Variants in EYA4 observed in about 807,000 individuals in gnomAD.
EYA4 encodes protein phosphatase EYA4.
A neutral mutation model predicts 87.9 loss-of-function variants in EYA4; 31 were observed. That is an observed-to-expected ratio of 0.35 (90% CI 0.27 to 0.48). The LOEUF is 0.48. Ranked by LOEUF, EYA4 falls within the 20% of genes least tolerant of loss-of-function variation. The pLI is 0.99. For missense variants in EYA4, 678 were observed against 761.4 expected (o/e 0.89, Z 1.29); for synonymous variants, 263 against 270.6 (o/e 0.97, Z 0.28).
intron 2 of EYA4, among the ~76,000 whole-genome samples, chr6:133,304,148 C>T (rs879619481): frequency 1.4e-4 from 21 of 152,112 alleles, no homozygotes; most frequent in Non-Finnish European, 2.5e-4. Context: ...CATAAAACTT[C>T]CTAGTGGGTT....
chr6:133,522,391 G>T (rs1310373049), intron 17 of EYA4, among the ~76,000 whole-genome samples: 1 of 151,726 alleles, frequency 6.6e-6, no homozygotes, highest in African/African-American at 2.4e-5. Flanking sequence ...ACATTGTTTT[G>T]TTGGGAGAGG....
intron 3 of EYA4, among the ~76,000 whole-genome samples, chr6:133,434,815 GT>G (rs1472120372): frequency 6.6e-6 from 1 of 152,100 alleles, no homozygotes; most frequent in Non-Finnish European, 1.5e-5. Context: ...TACTGGTAGA[GT>G]TTTTTCTTAG....
intron 3 of EYA4, among the ~76,000 whole-genome samples, chr6:133,439,058 A>C (rs897908803): frequency 2.0e-5 from 3 of 150,578 alleles, no homozygotes; most frequent in Non-Finnish European, 4.4e-5. Flanking sequence ...TCAAAAAAAA[A>C]AAAAAAAAAA....
At chr6:133,245,925 T>C (rs540885177) in intron 1 of EYA4, among the ~76,000 whole-genome samples, 8 of 152,306 alleles carry the variant, frequency 5.3e-5, no homozygotes, top group Admixed American at 4.6e-4. Context: ...ACGCTTGAAA[T>C]TTGTCATTCT....
At chr6:133,438,993 G>A (rs1276147179) in intron 3 of EYA4, among the ~76,000 whole-genome samples, 1 of 125,178 alleles carries the variant, frequency 8.0e-6, no homozygotes, top group Non-Finnish European at 1.6e-5. Flanking sequence ...AGTGAGCCAA[G>A]ATGGCACCAC....
At chr6:133,485,156 C>T (rs1262777353) in intron 13 of EYA4, among the ~76,000 whole-genome samples, 1 of 152,192 alleles carries the variant, frequency 6.6e-6, no homozygotes, top group South Asian at 2.1e-4. Flanking sequence ...TGGAAATAAA[C>T]CTGTCAGCTC....
intron 5 of EYA4, among the ~76,000 whole-genome samples, chr6:133,449,584 G>A (rs980537284): frequency 1.3e-5 from 2 of 152,180 alleles, no homozygotes; most frequent in East Asian, 1.9e-4. Context: ...GTGCGTCAGG[G>A]CCACTGTGGA....
chr6:133,394,121 A>T (rs1204062538), intron 3 of EYA4, among the ~76,000 whole-genome samples: 6 of 152,136 alleles, frequency 3.9e-5, no homozygotes, highest in Non-Finnish European at 8.8e-5. Flanking sequence ...CTATCACCTG[A>T]TACTTGAAGT....
chr6:133,440,835 A>G, intron 3 of EYA4, among the ~76,000 whole-genome samples: 1 of 152,220 alleles, frequency 6.6e-6, no homozygotes, highest in East Asian at 1.9e-4. Context: ...AGTACTGATT[A>G]TATTTGTAAA....
intron 2 of EYA4, among the ~76,000 whole-genome samples, chr6:133,344,714 T>C (rs570291380): frequency 6.6e-6 from 1 of 152,278 alleles, no homozygotes; most frequent in African/African-American, 2.4e-5. Context: ...CAATATAACA[T>C]TGCATCCAAA....
intron 2 of EYA4, among the ~76,000 whole-genome samples, chr6:133,341,594 A>T (rs1782783288): frequency 1.3e-5 from 2 of 152,218 alleles, no homozygotes; most frequent in Non-Finnish European, 2.9e-5. Context: ...TAAAGGTGTA[A>T]CATTGAACAG....
At chr6:133,466,972 C>A (rs73544950) in intron 10 of EYA4, among the ~76,000 whole-genome samples, 16,644 of 151,892 alleles carry the variant, frequency 0.11, 1,298 homozygotes, top group East Asian at 0.25. Flanking sequence ...TGTTTTGAGA[C>A]GATAACTCTG....
intron 11 of EYA4, among the ~76,000 whole-genome samples, chr6:133,469,058 T>G (rs1030829863): frequency 6.6e-6 from 1 of 152,074 alleles, no homozygotes; most frequent in Non-Finnish European, 1.5e-5. Flanking sequence ...ATTTCTTTTG[T>G]GCTAAAGAGA....
Position 133,491,951 on chromosome 6 carries a change from C to CAAAAAAAAAAAAAA in EYA4, c.1191+8843_1191+8856dup, listed in dbSNP as rs34316449. On this transcript the variant is annotated intron_variant, in intron 13 of 19. Coordinates refer to ENST00000355286, the MANE Select transcript of EYA4 (RefSeq NM_004100.5). ...TGGGGGACAGAGTGAAACTCCGTCT[C>CAAAAAAAAAAAAAA]AAAAAAAAAAAAAAAAAAAAGAGGA... Among the ~76,000 whole-genome samples, 434 of 83,618 alleles carry CAAAAAAAAAAAAAA rather than the reference C, an allele frequency of 5.2e-3. 9 individuals carry two copies. The highest frequency in any genetic ancestry group is 0.019 in the African/African-American group (413 of 21,192). 54.9% of individuals were successfully genotyped at this position (83,618 alleles called of 152,430 possible).
intron 2 of EYA4, among the ~76,000 whole-genome samples, chr6:133,328,098 C>G (rs1781645975): frequency 2.0e-5 from 3 of 152,134 alleles, no homozygotes; most frequent in Non-Finnish European, 4.4e-5. Flanking sequence ...GTCAGACTAC[C>G]TGATGTTAAA....
chr6:133,457,947 C>T (rs1316369576), intron 6 of EYA4, among the ~76,000 whole-genome samples: 1 of 152,096 alleles, frequency 6.6e-6, no homozygotes, highest in Non-Finnish European at 1.5e-5. Context: ...CTCTCTGATC[C>T]GTTTTGTAGA....
chr6:133,528,685 C>A, intron 19 of EYA4, 40 bp from the exon 20 acceptor site: 1 of 1,366,800 alleles, frequency 7.3e-7, no homozygotes, highest in Non-Finnish European at 1.0e-6. Flanking sequence ...CTCATTCCTT[C>A]CCCTTCTCTC....
At chr6:133,274,456 G>C (rs768847595) in intron 1 of EYA4, among the ~76,000 whole-genome samples, 1 of 152,168 alleles carries the variant, frequency 6.6e-6, no homozygotes, top group South Asian at 2.1e-4. Context: ...ATTGCAGACT[G>C]TGTTTAGTGC....
At chr6:133,320,906 G>C (rs1460603831) in intron 2 of EYA4, among the ~76,000 whole-genome samples, 1 of 152,078 alleles carries the variant, frequency 6.6e-6, no homozygotes, top group East Asian at 1.9e-4. Context: ...TACATACTGA[G>C]GTGTATCCTC....
Sources: gnomAD v4.1 joint callset for allele counts (sites outside exome capture counted in the v4.1 genomes callset) on GRCh38, gnomAD v4.1.1 for gene constraint, MANE v1.5 for transcripts, NCBI Gene and HGNC (gene_info 2026-07-23, HGNC 2026-07-21) for gene names.